POLR1H: variants seen among roughly 807,000 people sequenced by gnomAD.
The protein encoded by POLR1H is DNA-directed RNA polymerase I subunit RPA12.
A neutral mutation model predicts 15.8 loss-of-function variants in POLR1H; 5 were observed. That is an observed-to-expected ratio of 0.32 (90% CI 0.17 to 0.67). POLR1H has a LOEUF of 0.67. Among genes scored for constraint, POLR1H ranks in the 30% least tolerant of loss-of-function variants. POLR1H has a pLI of 0.74. For missense variants in POLR1H, 100 were observed against 163.4 expected (o/e 0.61, Z 2.11); for synonymous variants, 43 against 58.3 (o/e 0.74, Z 1.20).
At chr6:30,062,112 C>A in intron 2 of POLR1H, 95 bp downstream of exon 2, 1 of 1,460,574 alleles carries the variant, frequency 6.8e-7, no homozygotes. Context: ...TGCCCAATTC[C>A]AAGAGGGAAA....
rs746531815 is a variant in POLR1H, at chr6:30,061,540, C to T, written c.16C>T (p.Leu6Phe). Residue 6 changes from leucine to phenylalanine, a missense_variant, in exon 1 of 4, where the codon CTC (leucine) becomes TTC (phenylalanine). By Grantham distance (22) the Leu-to-Phe change is conservative. This residue lies in a region of POLR1H where 87 missense variants were observed against 119.8 expected (regional missense o/e 0.73). Transcript: ENST00000332435. The surrounding 1 kb of genome is among the most constrained non-coding windows in gnomAD (Gnocchi z 5.0). ...ACCCGACCGCATGTCTGTCATGGAC[C>T]TCGCCAATACTTGCTCCAGCTTTCA... Reference protein sequence around the residue: MSVMDLANTCSSFQSD... With the variant: MSVMDFANTCSSFQSD... The T allele has an allele frequency of 3.7e-6, 6 of 1,613,112 alleles. No homozygotes were observed. The highest frequency in any genetic ancestry group is 2.2e-5 in the South Asian group (2 of 91,088).
At position 30,063,562 on chromosome 6, in the gene POLR1H, A is replaced by G. The variant is rs922903705; in HGVS notation, c.357-1111A>G. On this transcript the variant is annotated intron_variant, in intron 3 of 3. Coordinates refer to ENST00000332435, the MANE Select transcript of POLR1H (RefSeq NM_170783.4). The surrounding 1 kb of genome is among the most constrained non-coding windows in gnomAD (Gnocchi z 4.1). ...ATATTAAATATGGTTATTATATTCTATGTCTTATAATTCTGATATCTGCGG... is the reference window on the plus strand; with the variant it reads ...ATATTAAATATGGTTATTATATTCTGTGTCTTATAATTCTGATATCTGCGG... 2.6e-5 allele frequency among the ~76,000 whole-genome samples: 4 copies of G among 151,534 alleles called. No homozygotes were observed. Among genetic ancestry groups the G allele is most frequent in the African/African-American group, 4.8e-5 (2 of 41,302 alleles).
At chr6:30,062,601 A>C (rs1170913272) in intron 3 of POLR1H, among the ~76,000 whole-genome samples, 1 of 113,888 alleles carries the variant, frequency 8.8e-6, no homozygotes, top group Non-Finnish European at 1.6e-5. Flanking sequence ...CCTAGCCTGG[A>C]GTGCAGCGAG....
rs978892248 is a variant in POLR1H, at chr6:30,064,768, C to T, written c.*71C>T. On this transcript the variant is annotated 3_prime_UTR_variant, in exon 4 of 4. Transcript: ENST00000332435. ...TGAAGGATACTGGGTTTTTAGATGC[C>T]TTGTCCATCCTGTCTGGTTGCAATG... 15 of 1,361,318 alleles carry T rather than the reference C, an allele frequency of 1.1e-5. No individual in the cohort carries two copies. In the African/African-American group the frequency reaches 1.8e-4, roughly 16 times the overall value. 84.3% of individuals were successfully genotyped at this position (1,361,318 alleles called of 1,614,324 possible). A position where few individuals can be genotyped will look rare whatever the true frequency, so the allele number is the denominator to read the frequency against.
intron 3 of POLR1H, 63 bp downstream of exon 3, chr6:30,062,396 A>C: frequency 1.7e-6 from 2 of 1,182,862 alleles, no homozygotes; most frequent in Non-Finnish European, 2.5e-6. Flanking sequence ...CCAGTGATTT[A>C]TTTTTTTGTA....
chr6:30,060,811 C>G (rs538611247), upstream of POLR1H: 1 of 152,348 alleles, frequency 6.6e-6, no homozygotes, highest in Admixed American at 6.5e-5. Context: ...CCCACGCTCG[C>G]CAGCGGGACC....
At position 30,063,087 on chromosome 6, in the gene POLR1H, A is replaced by C. The variant is rs1040060639; in HGVS notation, c.356+754A>C. 6.6e-6 allele frequency among the ~76,000 whole-genome samples: 1 copy of C among 152,098 alleles called. No homozygotes were observed. The highest frequency in any genetic ancestry group is 6.5e-5 in the Admixed American group (1 of 15,286). ...TGGTGTTCTGCAGTCACTATAGTAT[A>C]TCAAAATACGATTTTCTTTTATTCT... On this transcript the variant is annotated intron_variant, in intron 3 of 3. Transcript: ENST00000332435. The surrounding 1 kb of genome is among the most constrained non-coding windows in gnomAD (Gnocchi z 4.1).
Position 30,064,777 on chromosome 6 carries a change from C to T in POLR1H, c.*80C>T. ...CTGGGTTTTTAGATGCCTTGTCCAT[C>T]CTGTCTGGTTGCAATGTTTTGCTCC... On this transcript the variant is annotated 3_prime_UTR_variant, in exon 4 of 4. Coordinates refer to ENST00000332435, the MANE Select transcript of POLR1H (RefSeq NM_170783.4). 7.6e-7 allele frequency: 1 copy of T among 1,318,862 alleles called. No individual in the cohort carries two copies. The highest frequency in any genetic ancestry group is 1.1e-6 in the Non-Finnish European group (1 of 935,124). The allele number at this position is 1,318,862 out of a possible 1,614,324, so 81.7% of individuals were successfully genotyped here.
rs1765139639 is a variant in POLR1H at position 30,062,236 on chromosome 6, T to A, written c.259T>A (p.Cys87Ser). The part of the protein sequence containing the change: ...ECQGPVVDRR[C>S]PRCGHEGMAY... ...AGTTTCTTCCCAGGTTGACAGGCGC[T>A]GCCCTCGATGTGGTCATGAAGGAAT... Residue 87 changes from cysteine to serine, a missense_variant, in exon 3 of 4, where the codon TGC becomes AGC. By Grantham distance (112) the Cys-to-Ser change is moderately radical. Coordinates refer to ENST00000332435, the MANE Select transcript of POLR1H (RefSeq NM_170783.4). 1.2e-6 allele frequency: 2 copies of A among 1,612,968 alleles called. No individual in the cohort carries two copies. The highest frequency in any genetic ancestry group is 1.7e-6 in the Non-Finnish European group (2 of 1,179,932).
Position 30,063,857 on chromosome 6 carries a change from T to G in POLR1H, c.357-816T>G, listed in dbSNP as rs1185203763. Among the ~76,000 whole-genome samples, 1 of 152,186 alleles carries G rather than the reference T, an allele frequency of 6.6e-6. No individual in the cohort carries two copies. Among genetic ancestry groups the G allele is most frequent in the Non-Finnish European group, 1.5e-5 (1 of 68,032 alleles). ...AGATAGTATGAATTTGAGCTGCAAA[T>G]CCATGTAAGGGCTAGCTTACAGTTA... On this transcript the variant is annotated intron_variant, in intron 3 of 3. Coordinates refer to ENST00000332435, the MANE Select transcript of POLR1H (RefSeq NM_170783.4). This position sits in a 1 kb window ranked among gnomAD's most constrained non-coding sequence, Gnocchi z 4.1.
Position 30,061,492 on chromosome 6 carries a change from T to C in POLR1H, c.-33T>C, listed in dbSNP as rs1326715320. 6.2e-7 allele frequency: 1 copy of C among 1,609,828 alleles called. No homozygotes were observed. The highest frequency in any genetic ancestry group is 8.5e-7 in the Non-Finnish European group (1 of 1,177,796). ...CAGGAACTCTTCTCTCTTTTGTTAATAAACTTCCAACTCCCTCCTCAGACC... is the reference window on the plus strand; with the variant it reads ...CAGGAACTCTTCTCTCTTTTGTTAACAAACTTCCAACTCCCTCCTCAGACC... On this transcript the variant is annotated 5_prime_UTR_variant, in exon 1 of 4. Transcript: ENST00000332435. This position sits in a 1 kb window ranked among gnomAD's most constrained non-coding sequence, Gnocchi z 5.0.
Position 30,064,782 on chromosome 6 carries a change from C to G in POLR1H, c.*85C>G. 1 of 1,277,906 alleles carries G rather than the reference C, an allele frequency of 7.8e-7. No homozygotes were observed. Among genetic ancestry groups the G allele is most frequent in the Non-Finnish European group, 1.1e-6 (1 of 900,166 alleles). The allele number at this position is 1,277,906 out of a possible 1,614,324, so 79.2% of individuals were successfully genotyped here. On this transcript the variant is annotated 3_prime_UTR_variant, in exon 4 of 4. Transcript: ENST00000332435. ...TTTTTAGATGCCTTGTCCATCCTGTCTGGTTGCAATGTTTTGCTCCCAGAA... is the reference window on the plus strand; with the variant it reads ...TTTTTAGATGCCTTGTCCATCCTGTGTGGTTGCAATGTTTTGCTCCCAGAA...
rs763726809 is a variant in POLR1H at position 30,062,015 on chromosome 6, G to A, written c.244G>A (p.Val82Met). 2 of 1,612,862 alleles carry A rather than the reference G, an allele frequency of 1.2e-6. No individual in the cohort carries two copies. Among genetic ancestry groups the A allele is most frequent in the Non-Finnish European group, 1.7e-6 (2 of 1,179,794 alleles). ...VEEGPECQGP[V>M]VDRRCPRCGH... ...GGAAGGGCCTGAGTGCCAGGGACCT[G>A]TGGTAAGCTAATGAGATCAAGAACT... Residue 82 changes from valine to methionine, a missense_variant and splice_region_variant, in exon 2 of 4, where the codon GTG becomes ATG. Physicochemically the swap from Val to Met is conservative, Grantham distance 21. Coordinates refer to ENST00000332435, the MANE Select transcript of POLR1H (RefSeq NM_170783.4).
chr6:30,062,128 T>C, intron 2 of POLR1H, 96 bp from the exon 3 acceptor site: 1 of 1,445,434 alleles, frequency 6.9e-7, no homozygotes. Context: ...GGAAAAGAGA[T>C]GTAAACCATC....
In POLR1H at chr6:30,063,331, C is replaced by T. The variant is rs112900209; in HGVS notation, c.356+998C>T. ...TTTTCAATTGCTGTTCTCTTTATGC[C>T]ACCTTCTGAGTAATTTCTTCAGGTC... is the stretch of plus-strand genomic sequence containing the variant. On this transcript the variant is annotated intron_variant, in intron 3 of 3. Transcript: ENST00000332435. The surrounding 1 kb of genome is among the most constrained non-coding windows in gnomAD (Gnocchi z 4.1). Among the ~76,000 whole-genome samples, 1 of 151,968 alleles carries T rather than the reference C, an allele frequency of 6.6e-6. No individual in the cohort carries two copies. Among genetic ancestry groups the T allele is most frequent in the African/African-American group, 2.4e-5 (1 of 41,380 alleles).
At position 30,061,397 on chromosome 6, in the gene POLR1H, GCGT is replaced by G; in HGVS notation, c.-127_-125del. On this transcript the variant is annotated 5_prime_UTR_variant, in exon 1 of 4. Transcript: ENST00000332435. This position sits in a 1 kb window ranked among gnomAD's most constrained non-coding sequence, Gnocchi z 5.0. ...GGCTCCTTGGTCGCAGAGGCAGGAGGCGTGCGTGGCAGGAGGGTTCGGGTTATA... is the reference window on the plus strand; with the variant it reads ...GGCTCCTTGGTCGCAGAGGCAGGAGGGCGTGGCAGGAGGGTTCGGGTTATA... 3.8e-6 allele frequency: 4 copies of G among 1,043,114 alleles called. No individual in the cohort carries two copies. Among genetic ancestry groups the G allele is most frequent in the Non-Finnish European group, 5.5e-6 (4 of 724,180 alleles). The allele number at this position is 1,043,114 out of a possible 1,614,324, so 64.6% of individuals were successfully genotyped here.
In POLR1H at chr6:30,064,717, T is replaced by C; in HGVS notation, c.*20T>C. 1 of 1,608,290 alleles carries C rather than the reference T, an allele frequency of 6.2e-7. No individual in the cohort carries two copies. ...TCTTGACCTTTTTCCTGGGCAACTC[T>C]ACAGTCCCTCCCTCCTTTCGGAAGG... On this transcript the variant is annotated 3_prime_UTR_variant, in exon 4 of 4. Transcript: ENST00000332435.
In POLR1H at chr6:30,064,789, C is replaced by T; in HGVS notation, c.*92C>T. 2 of 1,156,018 alleles carry T rather than the reference C, an allele frequency of 1.7e-6. No homozygotes were observed. The allele number at this position is 1,156,018 out of a possible 1,614,324, so 71.6% of individuals were successfully genotyped here. On this transcript the variant is annotated 3_prime_UTR_variant, in exon 4 of 4. Coordinates refer to ENST00000332435, the MANE Select transcript of POLR1H (RefSeq NM_170783.4). Reference sequence around the variant, plus strand: ...ATGCCTTGTCCATCCTGTCTGGTTGCAATGTTTTGCTCCCAGAAGAGAATC... The same window carrying T: ...ATGCCTTGTCCATCCTGTCTGGTTGTAATGTTTTGCTCCCAGAAGAGAATC...
At chr6:30,062,155 G>A in intron 2 of POLR1H, 69 bp from the exon 3 acceptor site, 24 of 1,461,096 alleles carry the variant, frequency 1.6e-5, no homozygotes, top group Non-Finnish European at 2.3e-5. Context: ...TGAGAGGCGT[G>A]ATCGCCTGAT....
Sources: allele counts gnomAD v4.1 joint callset (sites outside exome capture counted in the v4.1 genomes callset), GRCh38; gene constraint gnomAD v4.1.1; regional missense constraint gnomAD v4.1.1; non-coding constraint Gnocchi (gnomAD v3.1); transcripts MANE v1.5; gene names NCBI Gene and HGNC (gene_info 2026-07-23, HGNC 2026-07-21).